The following THSD4 variants were observed in gnomAD, a reference collection of about 807,000 sequenced individuals.
THSD4 encodes the protein thrombospondin type-1 domain-containing protein 4.
In THSD4, 69 loss-of-function variants were observed where a neutral mutation model predicts 119.0. The observed-to-expected ratio is 0.58, with a 90% confidence interval of 0.48 to 0.71. The LOEUF (loss-of-function observed/expected upper bound fraction) is 0.71, where lower values mean the gene tolerates loss of function less well. Among genes scored for constraint, THSD4 ranks in the 30% least tolerant of loss-of-function variants. The pLI is 0.00. For synonymous variants in THSD4, 524 were observed against 540.4 expected, an observed-to-expected ratio of 0.97 and a Z score of 0.42; for missense variants, 1,393 against 1,391.1, an observed-to-expected ratio of 1.00 and a Z score of -0.02.
chr15:71,709,820 C>T lies in THSD4; in HGVS notation c.1358-18729C>T, dbSNP rs773675096. On this transcript the variant is annotated intron_variant, in intron 8 of 17. Coordinates refer to ENST00000261862, the MANE Select transcript of THSD4 (RefSeq NM_024817.3). The stretch of plus-strand genomic sequence containing the variant: ...TCCCATTGCCCAGGCCATACCTGAA[C>T]CCATTAAATCAGAATTTCTGGGAGT... Among the ~76,000 whole-genome samples the T allele has an allele frequency of 4.3e-4, 66 of 152,222 alleles. 1 individual carries two copies. The highest frequency in any genetic ancestry group is 3.4e-3 in the Middle Eastern group (1 of 294).
At chr15:71,400,730 C>T (rs1372380589) in intron 6 of THSD4, among the ~76,000 whole-genome samples, 3 of 152,024 alleles carry the variant, frequency 2.0e-5, no homozygotes, top group East Asian at 1.9e-4. Context: ...ACACTTCACT[C>T]ATCAGCATCT....
At chr15:71,774,361 G>C (rs925480889) in intron 17 of THSD4, among the ~76,000 whole-genome samples, 4 of 150,658 alleles carry the variant, frequency 2.7e-5, no homozygotes, top group Non-Finnish European at 5.9e-5. Flanking sequence ...CAAGCTACTA[G>C]TAATCAGAAA....
At chr15:71,693,963 G>C (rs889310273) in intron 8 of THSD4, among the ~76,000 whole-genome samples, 2 of 151,132 alleles carry the variant, frequency 1.3e-5, no homozygotes, top group African/African-American at 4.9e-5. Context: ...CATGAGAACA[G>C]AATCATATAC....
intron 1 of THSD4, among the ~76,000 whole-genome samples, chr15:71,135,659 C>T (rs2040544139): frequency 6.6e-6 from 1 of 152,148 alleles, no homozygotes; most frequent in South Asian, 2.1e-4. Context: ...CCTTTTTCTG[C>T]CTCTTGCTTT....
chr15:71,398,661 A>G (rs566020680), intron 6 of THSD4, among the ~76,000 whole-genome samples: 1 of 152,212 alleles, frequency 6.6e-6, no homozygotes, highest in African/African-American at 2.4e-5. Flanking sequence ...GCGCTCTAGA[A>G]ATGTGCATTA....
intron 8 of THSD4, among the ~76,000 whole-genome samples, chr15:71,680,542 C>A (rs1249620132): frequency 6.6e-6 from 1 of 152,208 alleles, no homozygotes; most frequent in Non-Finnish European, 1.5e-5. Flanking sequence ...AATAAATACT[C>A]CACATCATTG....
chr15:71,285,043 G>A (rs1596314333), intron 6 of THSD4, among the ~76,000 whole-genome samples: 1 of 152,064 alleles, frequency 6.6e-6, no homozygotes, highest in African/African-American at 2.4e-5. Context: ...AGCTGTCTGT[G>A]CCTTCACCAG....
At chr15:71,575,779 C>CA (rs983589849) in intron 7 of THSD4, among the ~76,000 whole-genome samples, 12 of 152,116 alleles carry the variant, frequency 7.9e-5, no homozygotes, top group African/African-American at 2.7e-4. Flanking sequence ...ACAACAACAA[C>CA]AAAAAAGTCT....
rs371846855 is a variant in THSD4 at position 71,613,467 on chromosome 15, GT to G, written c.1153-47060del. 2.7e-3 allele frequency among the ~76,000 whole-genome samples: 408 copies of G among 152,270 alleles called. 2 individuals carry two copies. The highest frequency in any genetic ancestry group is 4.7e-3 in the Non-Finnish European group (323 of 68,024). On this transcript the variant is annotated intron_variant, in intron 7 of 17. Coordinates refer to ENST00000261862, the MANE Select transcript of THSD4 (RefSeq NM_024817.3). ...ACATAAATAGGAGGAGGATGTATGG[GT>G]TTATCAATTGTCTATTACAACTTAA...
chr15:71,588,955 G>T (rs2049744202), intron 7 of THSD4, among the ~76,000 whole-genome samples: 1 of 152,222 alleles, frequency 6.6e-6, no homozygotes. Context: ...AATTTGGTCA[G>T]GGAGGTGGGT....
In THSD4 at chr15:71,780,710, T is replaced by C. The variant is rs1439899247; in HGVS notation, c.*3336T>C. On this transcript the variant is annotated 3_prime_UTR_variant, in exon 18 of 18. Transcript: ENST00000261862. ...TGACAAGAATTCTCCGCACTGTGCC[T>C]ACCTGTCCCTTTACCTTACCTCTCT... 1.8e-5 allele frequency: 8 copies of C among 456,642 alleles called. No individual in the cohort carries two copies. Among genetic ancestry groups the C allele is most frequent in the South Asian group, 1.2e-4 (8 of 64,558 alleles). 28.3% of individuals were successfully genotyped at this position (456,642 alleles called of 1,614,324 possible).
chr15:71,326,639 A>ACTCCAGCCTGGGCAACAGAGCAAGATTC, intron 6 of THSD4, among the ~76,000 whole-genome samples: 2 of 124,962 alleles, frequency 1.6e-5, no homozygotes, highest in Non-Finnish European at 3.3e-5. Flanking sequence ...ACGCCACTGC[A>ACTCCAGCCTGGGCAACAGAGCAAGATTC]CTCCAGCCTG....
At chr15:71,308,373 G>C (rs1298101935) in intron 6 of THSD4, among the ~76,000 whole-genome samples, 1 of 152,306 alleles carries the variant, frequency 6.6e-6, no homozygotes, top group African/African-American at 2.4e-5. Flanking sequence ...TCAAATAACA[G>C]GTTCTTCACA....
intron 7 of THSD4, among the ~76,000 whole-genome samples, chr15:71,457,160 C>T (rs544979204): frequency 4.6e-5 from 7 of 152,182 alleles, no homozygotes; most frequent in African/African-American, 9.6e-5. Flanking sequence ...GCAGGCAGAT[C>T]GCTCTGAGCT....
At chr15:71,201,694 T>C (rs2043804672) in intron 3 of THSD4, among the ~76,000 whole-genome samples, 1 of 152,250 alleles carries the variant, frequency 6.6e-6, no homozygotes, top group Non-Finnish European at 1.5e-5. Flanking sequence ...AGAGAGTGTT[T>C]GCATTTGCAC....
rs1171407732 is a variant in THSD4, at chr15:71,421,337, T to TGAA, written c.1152+9514_1152+9515insGAA. 2.8e-3 allele frequency among the ~76,000 whole-genome samples: 128 copies of TGAA among 45,702 alleles called. 1 individual carries two copies. In the Admixed American group the frequency reaches 0.033, roughly 12 times the overall value. The allele number at this position is 45,702 out of a possible 152,430, so 30.0% of individuals were successfully genotyped here. Reference sequence around the variant, plus strand: ...GTCTCTTTCTACTCCCTTTAGTATTTCTTGTAGGATAGGGCTTGTGTTGAT... The same window carrying TGAA: ...GTCTCTTTCTACTCCCTTTAGTATTTGAACTTGTAGGATAGGGCTTGTGTTGAT... On this transcript the variant is annotated intron_variant, in intron 7 of 17. Coordinates refer to ENST00000261862, the MANE Select transcript of THSD4 (RefSeq NM_024817.3).
intron 7 of THSD4, chr15:71,547,291 A>T: frequency 6.7e-7 from 1 of 1,493,708 alleles, no homozygotes; most frequent in Non-Finnish European, 8.9e-7. Flanking sequence ...AGCCGAGGGA[A>T]CCAGCGCGGT....
Position 71,576,515 on chromosome 15 carries a change from T to G in THSD4, c.1153-84015T>G, listed in dbSNP as rs1369206165. 2.0e-5 allele frequency among the ~76,000 whole-genome samples: 3 copies of G among 152,192 alleles called. No individual in the cohort carries two copies. The East Asian group carries it at 5.8e-4, about 29-fold the overall frequency. ...ACATTCTGCTACTATGTTCTTAGCT[T>G]TTATGAAAGATGAAACAGCCAATTA... is the stretch of plus-strand genomic sequence containing the variant. On this transcript the variant is annotated intron_variant, in intron 7 of 17. Coordinates refer to ENST00000261862, the MANE Select transcript of THSD4 (RefSeq NM_024817.3).
chr15:71,246,463 G>A (rs2044202318), intron 5 of THSD4, among the ~76,000 whole-genome samples: 1 of 152,118 alleles, frequency 6.6e-6, no homozygotes, highest in African/African-American at 2.4e-5. Context: ...AAACGAGATT[G>A]CCAAGAGACC....
Sources: allele counts gnomAD v4.1 joint callset (sites outside exome capture counted in the v4.1 genomes callset), GRCh38; gene constraint gnomAD v4.1.1; transcripts MANE v1.5; gene names NCBI Gene and HGNC (gene_info 2026-07-23, HGNC 2026-07-21).